Variants in GALNT3 observed in about 807,000 individuals in gnomAD.
GALNT3 encodes GalNAc transferase 3.
A neutral mutation model predicts 69.8 loss-of-function variants in GALNT3; 51 were observed. The ratio of observed to expected loss-of-function variants is 0.73; its 90% CI spans 0.58 to 0.92. The LOEUF (loss-of-function observed/expected upper bound fraction) is 0.92, where lower values mean the gene tolerates loss of function less well. Among genes scored for constraint, GALNT3 ranks in the 40% least tolerant of loss-of-function variants. The pLI is 0.00. For missense variants in GALNT3, 711 were observed against 760.0 expected (o/e 0.94, Z 0.76); for synonymous variants, 265 against 248.5 (o/e 1.07, Z -0.63).
chr2:165,754,392 C>CTTTTTTTTTTTTTT (rs137893523), intron 9 of GALNT3, among the ~76,000 whole-genome samples: 4 of 61,152 alleles, frequency 6.5e-5, no homozygotes, highest in Non-Finnish European at 9.3e-5. Context: ...GCTCGGCCTC[C>CTTTTTTTTTTTTTT]TTTTTTTTTT....
intron 6 of GALNT3, among the ~76,000 whole-genome samples, chr2:165,758,171 T>C (rs1250451736): frequency 1.3e-5 from 2 of 152,196 alleles, no homozygotes; most frequent in African/African-American, 2.4e-5. Flanking sequence ...GAGCCAAAAC[T>C]TAAATCTTCT....
At chr2:165,769,438 A>AATAATG (rs1688710231) in intron 2 of GALNT3, among the ~76,000 whole-genome samples, 1 of 116,900 alleles carries the variant, frequency 8.6e-6, no homozygotes. Flanking sequence ...TAATAATAAT[A>AATAATG]ATAAATAAAT....
chr2:165,754,981 ATGT>A lies in GALNT3; in HGVS notation c.1472_1474del (p.Asn491del), dbSNP rs1469551783. On this transcript the variant is annotated inframe_deletion, in exon 8 of 11. Coordinates refer to ENST00000392701, the MANE Select transcript of GALNT3 (RefSeq NM_004482.4). ...GTCTGGCACATACACCTCTGGATAA[ATGT>A]TGTTCAGATACCATGTAAAATTTTT... 1 of 1,612,862 alleles carries A rather than the reference ATGT, an allele frequency of 6.2e-7. No homozygotes were observed. Among genetic ancestry groups the A allele is most frequent in the Admixed American group, 1.7e-5 (1 of 60,006 alleles).
At chr2:165,763,386 A>T (rs1688585561) in intron 3 of GALNT3, among the ~76,000 whole-genome samples, 2 of 152,300 alleles carry the variant, frequency 1.3e-5, no homozygotes, top group South Asian at 4.1e-4. Flanking sequence ...AAGCTTAAAC[A>T]TTCATAAGAG....
chr2:165,791,208 AG>A (rs1463038006), intron 1 of GALNT3, among the ~76,000 whole-genome samples: 1 of 151,910 alleles, frequency 6.6e-6, no homozygotes, highest in Non-Finnish European at 1.5e-5. Context: ...ATTACAGTAA[AG>A]TTTTTAAGAA....
chr2:165,785,180 G>A (rs1426352829), intron 1 of GALNT3, among the ~76,000 whole-genome samples: 2 of 151,880 alleles, frequency 1.3e-5, no homozygotes, highest in Non-Finnish European at 2.9e-5. Context: ...AATATCAAAG[G>A]GTTGAAACAA....
At chr2:165,790,277 G>A (rs903930222) in intron 1 of GALNT3, among the ~76,000 whole-genome samples, 1 of 152,164 alleles carries the variant, frequency 6.6e-6, no homozygotes, top group African/African-American at 2.4e-5. Flanking sequence ...ATAATTGTCA[G>A]TAGTCTCTAA....
chr2:165,762,600 T>A (rs940226317), intron 3 of GALNT3, among the ~76,000 whole-genome samples: 1 of 152,064 alleles, frequency 6.6e-6, no homozygotes, highest in African/African-American at 2.4e-5. Context: ...CTACACAGAG[T>A]CAGCAGAAAA....
intron 10 of GALNT3, among the ~76,000 whole-genome samples, 199 bp from the exon 11 acceptor site, chr2:165,749,102 A>G (rs1406428560): frequency 6.6e-6 from 1 of 152,154 alleles, no homozygotes; most frequent in Non-Finnish European, 1.5e-5. Flanking sequence ...AAGATATTAC[A>G]TAATGAAGAG....
intron 1 of GALNT3, among the ~76,000 whole-genome samples, chr2:165,778,644 T>C (rs149514035): frequency 6.6e-5 from 10 of 152,292 alleles, no homozygotes; most frequent in Admixed American, 1.3e-4. Context: ...TGCCCTAGCT[T>C]TGACTACCTG....
At chr2:165,764,090 T>G (rs1308872751) in intron 3 of GALNT3, among the ~76,000 whole-genome samples, 1 of 152,214 alleles carries the variant, frequency 6.6e-6, no homozygotes, top group East Asian at 1.9e-4. Context: ...CTTATGATGT[T>G]TGAAAATTTA....
chr2:165,770,714 G>A lies in GALNT3; in HGVS notation c.-14C>T. 1 of 1,600,270 alleles carries A rather than the reference G, an allele frequency of 6.2e-7. No homozygotes were observed. The highest frequency in any genetic ancestry group is 8.5e-7 in the Non-Finnish European group (1 of 1,179,178). On this transcript the variant is annotated 5_prime_UTR_variant, in exon 2 of 11. Coordinates refer to ENST00000392701, the MANE Select transcript of GALNT3 (RefSeq NM_004482.4). Reference sequence around the variant, plus strand: ...TAGGTGAGCCATTCTGACATTAAAAGCTTGTCACTTGACAAATAACAGTTA... The same window carrying A: ...TAGGTGAGCCATTCTGACATTAAAAACTTGTCACTTGACAAATAACAGTTA...
chr2:165,781,221 AT>A (rs1683100517), intron 1 of GALNT3, among the ~76,000 whole-genome samples: 1 of 152,126 alleles, frequency 6.6e-6, no homozygotes, highest in Admixed American at 6.5e-5. Context: ...TTTGATCATC[AT>A]TAAAAACTGG....
intron 2 of GALNT3, among the ~76,000 whole-genome samples, chr2:165,768,896 G>A (rs561819437): frequency 6.7e-6 from 1 of 150,274 alleles, no homozygotes; most frequent in East Asian, 2.0e-4. Context: ...CCAGGTTCAA[G>A]CAATTCTCCA....
At chr2:165,760,276 A>T (rs1688521855) in intron 4 of GALNT3, among the ~76,000 whole-genome samples, 1 of 152,184 alleles carries the variant, frequency 6.6e-6, no homozygotes, top group African/African-American at 2.4e-5. Flanking sequence ...AGTCAGTATA[A>T]ATTCCGATTT....
At chr2:165,792,756 T>G (rs1277364185) in intron 1 of GALNT3, among the ~76,000 whole-genome samples, 1 of 152,122 alleles carries the variant, frequency 6.6e-6, no homozygotes, top group East Asian at 1.9e-4. Flanking sequence ...GTTTAACATG[T>G]GCACTAGATT....
At chr2:165,791,279 G>A (rs1017048043) in intron 1 of GALNT3, among the ~76,000 whole-genome samples, 3 of 149,718 alleles carry the variant, frequency 2.0e-5, no homozygotes, top group African/African-American at 4.9e-5. Flanking sequence ...GTGTGTGTGT[G>A]TATACGCATG....
chr2:165,771,369 C>A (rs1053603260), intron 1 of GALNT3: 19 of 152,130 alleles, frequency 1.2e-4, no homozygotes, highest in African/African-American at 4.6e-4. Flanking sequence ...GTACTTGTGA[C>A]TCCTGAAGGA....
At chr2:165,755,145 T>C in intron 7 of GALNT3, 82 bp from the exon 8 acceptor site, 7 of 1,255,204 alleles carry the variant, frequency 5.6e-6, no homozygotes, top group Non-Finnish European at 6.9e-6. Flanking sequence ...TTTGTATTTC[T>C]ATTTAGGTAT....
Sources: allele counts gnomAD v4.1 joint callset (sites outside exome capture counted in the v4.1 genomes callset), GRCh38; gene constraint gnomAD v4.1.1; transcripts MANE v1.5; gene names NCBI Gene and HGNC (gene_info 2026-07-23, HGNC 2026-07-21).